The following C8orf34 variants were observed in gnomAD, a reference collection of about 807,000 sequenced individuals.
The protein encoded by C8orf34 is uncharacterized protein C8orf34.
A neutral mutation model predicts 68.3 loss-of-function variants in C8orf34; 65 were observed. That is an observed-to-expected ratio of 0.95 (90% CI 0.78 to 1.17). The LOEUF (loss-of-function observed/expected upper bound fraction) is 1.17, where lower values mean the gene tolerates loss of function less well. C8orf34 is among the 50% of genes most tolerant of loss of function. The pLI is 0.00. For missense variants in C8orf34, 664 were observed against 655.4 expected (o/e 1.01, Z -0.14); for synonymous variants, 244 against 241.2 (o/e 1.01, Z -0.11).
intron 12 of C8orf34, among the ~76,000 whole-genome samples, chr8:68,812,115 G>A (rs916355642): frequency 6.6e-6 from 1 of 152,180 alleles, no homozygotes. Flanking sequence ...ATACATTTGA[G>A]TAGAAAATCT....
chr8:68,688,118 C>A (rs745677117), intron 8 of C8orf34, among the ~76,000 whole-genome samples: 3 of 151,720 alleles, frequency 2.0e-5, no homozygotes, highest in Non-Finnish European at 4.4e-5. Flanking sequence ...TTTAAAAAGT[C>A]AAAAAACAAT....
intron 5 of C8orf34, among the ~76,000 whole-genome samples, chr8:68,498,719 A>G (rs144053216): frequency 1.3e-5 from 2 of 152,366 alleles, no homozygotes; most frequent in African/African-American, 4.8e-5. Flanking sequence ...TAAAAATATT[A>G]TAATCCTGAT....
At chr8:68,688,049 G>T (rs536847036) in intron 8 of C8orf34, among the ~76,000 whole-genome samples, 1 of 152,154 alleles carries the variant, frequency 6.6e-6, no homozygotes, top group African/African-American at 2.4e-5. Context: ...CTAATCATCA[G>T]GGAAATGCAA....
intron 10 of C8orf34, among the ~76,000 whole-genome samples, chr8:68,736,833 T>C (rs1319033759): frequency 6.6e-6 from 1 of 152,150 alleles, no homozygotes; most frequent in Non-Finnish European, 1.5e-5. Flanking sequence ...TATAGTTCTT[T>C]TAACTGCACT....
chr8:68,475,594 G>C (rs1563470852), intron 4 of C8orf34, among the ~76,000 whole-genome samples: 1 of 152,176 alleles, frequency 6.6e-6, no homozygotes, highest in Non-Finnish European at 1.5e-5. Flanking sequence ...TAGTAGATTT[G>C]ACTTGTTTGC....
intron 7 of C8orf34, among the ~76,000 whole-genome samples, chr8:68,635,676 T>C (rs1818818260): frequency 1.3e-5 from 2 of 152,176 alleles, no homozygotes; most frequent in Admixed American, 1.3e-4. Flanking sequence ...TATAAACAAT[T>C]ATTTAGCCTC....
At chr8:68,449,393 C>A (rs1300350679) in intron 3 of C8orf34, among the ~76,000 whole-genome samples, 1 of 152,042 alleles carries the variant, frequency 6.6e-6, no homozygotes, top group Non-Finnish European at 1.5e-5. Flanking sequence ...ACATTTTCAT[C>A]ATCCCAAAAG....
chr8:68,602,246 G>A (rs181946863), intron 7 of C8orf34, among the ~76,000 whole-genome samples: 374 of 152,224 alleles, frequency 2.5e-3, no homozygotes, highest in Non-Finnish European at 2.8e-3. Flanking sequence ...GATGGGGGTG[G>A]AGGTTCAGTT....
chr8:68,482,419 A>C (rs1358380046), intron 4 of C8orf34, among the ~76,000 whole-genome samples: 4 of 152,206 alleles, frequency 2.6e-5, no homozygotes, highest in Non-Finnish European at 5.9e-5. Flanking sequence ...AGCAGTCTAT[A>C]TAAAGGGTGT....
intron 1 of C8orf34, among the ~76,000 whole-genome samples, chr8:68,419,627 A>G (rs1002855074): frequency 4.0e-5 from 6 of 151,834 alleles, no homozygotes; most frequent in African/African-American, 1.4e-4. Context: ...GCACATATAC[A>G]CCATGGAATA....
chr8:68,477,640 C>A (rs573387823), intron 4 of C8orf34, among the ~76,000 whole-genome samples: 1 of 152,264 alleles, frequency 6.6e-6, no homozygotes, highest in Admixed American at 6.5e-5. Flanking sequence ...TGGGAGCCAA[C>A]CCTGCATTTC....
At chr8:68,817,748 G>T (rs1824861726) in intron 13 of C8orf34, among the ~76,000 whole-genome samples, 1 of 152,112 alleles carries the variant, frequency 6.6e-6, no homozygotes, top group South Asian at 2.1e-4. Context: ...GTGCCTCACA[G>T]TTCAGCATGG....
chr8:68,683,579 A>G (rs35013559), intron 8 of C8orf34, among the ~76,000 whole-genome samples: 28,768 of 152,062 alleles, frequency 0.19, 2,974 homozygotes, highest in Middle Eastern at 0.35. Context: ...CATTTGAAAC[A>G]TGGGTAGAAA....
At chr8:68,675,722 T>C (rs1272984080) in intron 8 of C8orf34, among the ~76,000 whole-genome samples, 1 of 151,896 alleles carries the variant, frequency 6.6e-6, no homozygotes, top group Non-Finnish European at 1.5e-5. Context: ...AAATAAAAAA[T>C]AGCAGGAGTA....
chr8:68,724,740 C>T (rs1821777707), intron 10 of C8orf34, among the ~76,000 whole-genome samples: 2 of 152,102 alleles, frequency 1.3e-5, no homozygotes, highest in African/African-American at 4.8e-5. Context: ...AAAGAAAATA[C>T]CAAATAGGCA....
intron 5 of C8orf34, among the ~76,000 whole-genome samples, chr8:68,515,382 CT>C (rs368541535): frequency 0.19 from 26,868 of 138,330 alleles, 4,785 homozygotes; most frequent in African/African-American, 0.48. Flanking sequence ...TCTTTTTTTT[CT>C]TTTTTTTTTT....
At chr8:68,426,914 T>G (rs948517348) in intron 1 of C8orf34, among the ~76,000 whole-genome samples, 2 of 150,754 alleles carry the variant, frequency 1.3e-5, no homozygotes, top group Non-Finnish European at 2.9e-5. Context: ...AAAATCCTAT[T>G]AGAAAATAGA....
chr8:68,796,973 C>T (rs1262349400), intron 12 of C8orf34, among the ~76,000 whole-genome samples: 2 of 151,930 alleles, frequency 1.3e-5, no homozygotes, highest in African/African-American at 2.4e-5. Flanking sequence ...ATTACAGGCA[C>T]ATGCCACCAC....
intron 11 of C8orf34, 123 bp from the exon 12 acceptor site, chr8:68,787,320 T>TA: frequency 1.7e-6 from 1 of 578,626 alleles, no homozygotes; most frequent in Non-Finnish European, 3.0e-6. Context: ...CTCCTTTTTT[T>TA]AATGAGGAAA....
Sources: allele counts gnomAD v4.1 joint callset (sites outside exome capture counted in the v4.1 genomes callset), GRCh38; gene constraint gnomAD v4.1.1; transcripts MANE v1.5; gene names NCBI Gene and HGNC (gene_info 2026-07-23, HGNC 2026-07-21).